The following AP2A2 variants were observed in gnomAD, a reference collection of about 807,000 sequenced individuals.
AP2A2 encodes the protein adaptor related protein complex 2 subunit alpha 2, also known as AP-2 complex subunit alpha-2.
A neutral mutation model predicts 104.2 loss-of-function variants in AP2A2; 32 were observed. That is an observed-to-expected ratio of 0.31 (90% CI 0.23 to 0.41). AP2A2 has a LOEUF of 0.41. Ranked by LOEUF, AP2A2 falls within the 10% of genes least tolerant of loss-of-function variation. The pLI, the probability that AP2A2 is intolerant of heterozygous loss-of-function variation, is 1.00. For synonymous variants in AP2A2, 539 were observed against 533.3 expected (o/e 1.01, Z -0.15); for missense variants, 912 against 1,261.0 (o/e 0.72, Z 4.19).
intron 10 of AP2A2, among the ~76,000 whole-genome samples, chr11:991,918 A>T (rs1467627839): frequency 6.6e-6 from 1 of 151,974 alleles, no homozygotes; most frequent in Non-Finnish European, 1.5e-5. Flanking sequence ...TTGGTGTTGT[A>T]CAGCCTGGCA....
intron 1 of AP2A2, among the ~76,000 whole-genome samples, chr11:952,436 G>A (rs1687738409): frequency 6.6e-6 from 1 of 152,206 alleles, no homozygotes; most frequent in South Asian, 2.1e-4. Flanking sequence ...ATCCAAGCCT[G>A]CCCCTATAGA....
At chr11:942,120 G>A (rs1282230802) in intron 1 of AP2A2, among the ~76,000 whole-genome samples, 1 of 152,080 alleles carries the variant, frequency 6.6e-6, no homozygotes, top group Non-Finnish European at 1.5e-5. Context: ...TAGAGAGGGG[G>A]GTTTCACCCT....
intron 4 of AP2A2, among the ~76,000 whole-genome samples, chr11:976,150 A>G (rs573329889): frequency 1.1e-4 from 16 of 152,304 alleles, no homozygotes; most frequent in Non-Finnish European, 1.9e-4. Flanking sequence ...ACATGGACGC[A>G]TGGCAGGGTG....
At chr11:955,437 A>G (rs1311588460) in intron 1 of AP2A2, among the ~76,000 whole-genome samples, 1 of 152,224 alleles carries the variant, frequency 6.6e-6, no homozygotes, top group Admixed American at 6.5e-5. Context: ...TCCGCTGGTC[A>G]GCCATCATAC....
chr11:988,774 C>G, intron 10 of AP2A2, 85 bp downstream of exon 10: 3 of 1,520,076 alleles, frequency 2.0e-6, no homozygotes, highest in Non-Finnish European at 2.7e-6. Flanking sequence ...GCGATTCCGT[C>G]CAGCAGGACT....
chr11:986,998 C>A, intron 9 of AP2A2, 45 bp downstream of exon 9: 1 of 1,537,162 alleles, frequency 6.5e-7, no homozygotes. Flanking sequence ...TGAGCAGGTG[C>A]CGTGGGTCTT....
At chr11:945,202 C>T (rs371124636) in intron 1 of AP2A2, among the ~76,000 whole-genome samples, 1 of 151,996 alleles carries the variant, frequency 6.6e-6, no homozygotes, top group East Asian at 1.9e-4. Context: ...TGACTCCTAG[C>T]GTGGGTAGGG....
chr11:1,000,640 C>A, intron 15 of AP2A2, 42 bp downstream of exon 15: 1 of 1,517,764 alleles, frequency 6.6e-7, no homozygotes, highest in South Asian at 1.2e-5. Context: ...CACGGGGCTG[C>A]CGTGCCCCCT....
intron 15 of AP2A2, among the ~76,000 whole-genome samples, chr11:1,002,855 C>G (rs376335601): frequency 2.7e-4 from 41 of 152,206 alleles, no homozygotes; most frequent in East Asian, 2.1e-3. Context: ...TGCTGCCGTG[C>G]AGCATTTGCT....
At chr11:959,119 G>A (rs1488006925) in intron 1 of AP2A2, among the ~76,000 whole-genome samples, 1 of 152,236 alleles carries the variant, frequency 6.6e-6, no homozygotes, top group African/African-American at 2.4e-5. Context: ...TTCTGAGCTT[G>A]GTAAAGAGGT....
At chr11:988,508 G>T in intron 9 of AP2A2, 44 bp from the exon 10 acceptor site, 1 of 1,594,900 alleles carries the variant, frequency 6.3e-7, no homozygotes. Flanking sequence ...CCCCAAGCTT[G>T]TGCCTTGCTC....
chr11:1,004,617 A>T (rs2133780782), intron 16 of AP2A2, among the ~76,000 whole-genome samples: 1 of 151,916 alleles, frequency 6.6e-6, no homozygotes, highest in South Asian at 2.1e-4. Flanking sequence ...CTCTACAAAA[A>T]ATACAAAAAT....
intron 4 of AP2A2, among the ~76,000 whole-genome samples, chr11:974,270 G>T (rs995903304): frequency 2.0e-5 from 3 of 150,164 alleles, no homozygotes; most frequent in Non-Finnish European, 4.4e-5. Context: ...GGTCCCATGG[G>T]GATGAAGGTC....
chr11:937,857 G>A (rs1589945234), intron 1 of AP2A2, among the ~76,000 whole-genome samples: 1 of 152,150 alleles, frequency 6.6e-6, no homozygotes, highest in Non-Finnish European at 1.5e-5. Context: ...TACAGATAAG[G>A]AAACTGTGGC....
At chr11:964,790 CCAGA>C (rs1443784513) in intron 2 of AP2A2, among the ~76,000 whole-genome samples, 22 of 135,942 alleles carry the variant, frequency 1.6e-4, no homozygotes, top group African/African-American at 5.5e-4. Context: ...GGAAATAATC[CCAGA>C]TGGAAGCGTG....
chr11:952,174 C>T (rs1854075197), intron 1 of AP2A2, among the ~76,000 whole-genome samples: 1 of 152,230 alleles, frequency 6.6e-6, no homozygotes, highest in Admixed American at 6.5e-5. Flanking sequence ...AGTCTGAAAT[C>T]ACTTTATATA....
At chr11:988,331 C>T (rs1855530821) in intron 9 of AP2A2, among the ~76,000 whole-genome samples, 1 of 152,226 alleles carries the variant, frequency 6.6e-6, no homozygotes, top group Admixed American at 6.5e-5. Flanking sequence ...TGGGTCCTAG[C>T]GAAGCTGGCC....
chr11:997,578 G>C (rs927497784), intron 14 of AP2A2, among the ~76,000 whole-genome samples: 2 of 152,154 alleles, frequency 1.3e-5, no homozygotes, highest in Non-Finnish European at 2.9e-5. Context: ...CCTTTACTAG[G>C]GCAAAGGGCT....
chr11:992,815 C>A lies in AP2A2; in HGVS notation c.1452+130C>A. ...TGACCCCTCTTGCCCCTCAGCTCTT[C>A]CCTGAGGCTCTAGCTCCTCCACTGT... On this transcript the variant is annotated intron_variant, in intron 11 of 21. Transcript: ENST00000448903. This position sits in a 1 kb window ranked among gnomAD's most constrained non-coding sequence, Gnocchi z 6.4. 1.1e-6 allele frequency: 1 copy of A among 920,498 alleles called. No individual in the cohort carries two copies. The highest frequency in any genetic ancestry group is 1.7e-6 in the Non-Finnish European group (1 of 591,978). The allele number at this position is 920,498 out of a possible 1,614,324, so 57.0% of individuals were successfully genotyped here. A position where few individuals can be genotyped will look rare whatever the true frequency, so the allele number is the denominator to read the frequency against.
Sources: gnomAD v4.1 joint callset for allele counts (sites outside exome capture counted in the v4.1 genomes callset) on GRCh38, gnomAD v4.1.1 for gene constraint, Gnocchi (gnomAD v3.1) non-coding constraint, MANE v1.5 for transcripts, NCBI Gene and HGNC (gene_info 2026-07-23, HGNC 2026-07-21) for gene names.